CGNL1: variants seen among roughly 807,000 people sequenced by gnomAD.
The protein encoded by CGNL1 is cingulin like 1, also known as cingulin-like protein 1.
Under a neutral mutation model 141.2 loss-of-function variants are expected in CGNL1, and 132 were observed. The ratio of observed to expected loss-of-function variants is 0.93; its 90% CI spans 0.81 to 1.08. The LOEUF (loss-of-function observed/expected upper bound fraction) is 1.08. Ranked by LOEUF, CGNL1 falls within the 50% of genes least tolerant of loss-of-function variation. CGNL1 has a pLI of 0.00. For missense variants in CGNL1, 1,870 were observed against 1,588.6 expected, an observed-to-expected ratio of 1.18 and a Z score of -3.01; for synonymous variants, 690 against 622.1, an observed-to-expected ratio of 1.11 and a Z score of -1.63.
intron 1 of CGNL1, among the ~76,000 whole-genome samples, chr15:57,378,673 G>A (rs980064102): frequency 5.3e-5 from 8 of 152,074 alleles, no homozygotes; most frequent in African/African-American, 9.7e-5. Flanking sequence ...ATGAGCCACC[G>A]TGCCCCGCCT....
Position 57,439,040 on chromosome 15 carries a change from A to G in CGNL1, c.1041A>G (p.Thr347=). 2 of 1,614,196 alleles carry G rather than the reference A, an allele frequency of 1.2e-6. No individual in the cohort carries two copies. The highest frequency in any genetic ancestry group is 1.1e-5 in the South Asian group (1 of 91,090). Reference sequence around the variant, plus strand: ...CAGGAACTGGACGGGATATTGATACAGGATCAATTCCTGGTGTGGATCAGT... The same window carrying G: ...CAGGAACTGGACGGGATATTGATACGGGATCAATTCCTGGTGTGGATCAGT... ...FLPGTGRDID[T]GSIPGVDQLI... Residue 347 remains threonine, a synonymous_variant, in exon 2 of 19, where the codon ACA becomes ACG. Transcript: ENST00000281282.
At chr15:57,488,805 AAAC>A (rs1208243447) in intron 8 of CGNL1, among the ~76,000 whole-genome samples, 6 of 152,260 alleles carry the variant, frequency 3.9e-5, no homozygotes, top group Non-Finnish European at 5.9e-5. Flanking sequence ...AATGTGGCAA[AAAC>A]AACTGTTTGG....
At chr15:57,441,853 A>G (rs1183862334) in intron 3 of CGNL1, among the ~76,000 whole-genome samples, 2 of 152,190 alleles carry the variant, frequency 1.3e-5, no homozygotes, top group African/African-American at 4.8e-5. Context: ...GTGAAAGCCC[A>G]GACAAAGGGC....
At position 57,479,041 on chromosome 15, in the gene CGNL1, A is replaced by G. The variant is rs571340288; in HGVS notation, c.2403+17149A>G. ...TCAATAGCTAGCTGCAAAGCACTGC[A>G]GAAGCCCACTTGCCACTCTCCTTCC... On this transcript the variant is annotated intron_variant, in intron 8 of 18. Coordinates refer to ENST00000281282, the MANE Select transcript of CGNL1 (RefSeq NM_032866.5). Among the ~76,000 whole-genome samples the G allele has an allele frequency of 1.6e-4, 24 of 152,330 alleles. No homozygotes were observed. In the South Asian group the frequency reaches 4.8e-3, roughly 30 times the overall value.
intron 8 of CGNL1, among the ~76,000 whole-genome samples, chr15:57,473,899 CTTT>C (rs59761174): frequency 4.2e-4 from 30 of 70,676 alleles, no homozygotes; most frequent in South Asian, 1.5e-3. Flanking sequence ...TCTTCTTCTT[CTTT>C]TTTTTTTTTT....
intron 1 of CGNL1, among the ~76,000 whole-genome samples, chr15:57,415,936 CCT>C (rs1567103148): frequency 6.6e-6 from 1 of 152,146 alleles, no homozygotes; most frequent in Non-Finnish European, 1.5e-5. Context: ...CGGCTGCTTC[CCT>C]GAGTTTCCCT....
At chr15:57,498,231 T>C (rs1196069508) in intron 8 of CGNL1, among the ~76,000 whole-genome samples, 2 of 146,768 alleles carry the variant, frequency 1.4e-5, no homozygotes, top group Non-Finnish European at 3.0e-5. Context: ...ATACTTAGGT[T>C]GATTGGGGAA....
At chr15:57,496,294 C>T (rs1009259233) in intron 8 of CGNL1, among the ~76,000 whole-genome samples, 3 of 152,166 alleles carry the variant, frequency 2.0e-5, no homozygotes, top group Non-Finnish European at 1.5e-5. Context: ...TTGTGCTTGA[C>T]CTGATATTTG....
At chr15:57,447,625 G>A (rs536697591) in intron 4 of CGNL1, among the ~76,000 whole-genome samples, 4 of 152,092 alleles carry the variant, frequency 2.6e-5, no homozygotes, top group African/African-American at 9.6e-5. Flanking sequence ...TTTTCTTGGG[G>A]TTCAATGAGC....
intron 1 of CGNL1, chr15:57,377,202 T>C (rs1400564580): frequency 3.3e-5 from 5 of 152,180 alleles, no homozygotes. Flanking sequence ...TTACACAGGA[T>C]TTTTGAAACT....
chr15:57,440,118 A>AG (rs1382716770), intron 2 of CGNL1, among the ~76,000 whole-genome samples: 1 of 151,966 alleles, frequency 6.6e-6, no homozygotes, highest in Non-Finnish European at 1.5e-5. Context: ...GTAAAAAAAA[A>AG]AAAAAAGTAG....
intron 11 of CGNL1, 54 bp from the exon 12 acceptor site, chr15:57,524,527 A>G: frequency 1.3e-6 from 2 of 1,525,590 alleles, no homozygotes; most frequent in Non-Finnish European, 1.8e-6. Context: ...TGGGACCCAG[A>G]CCCTGGTCTC....
chr15:57,510,115 GC>G (rs1467248171), intron 8 of CGNL1, among the ~76,000 whole-genome samples: 1 of 152,148 alleles, frequency 6.6e-6, no homozygotes, highest in Non-Finnish European at 1.5e-5. Flanking sequence ...GCAGGTAGTG[GC>G]CTGAAGCCAA....
intron 1 of CGNL1, among the ~76,000 whole-genome samples, chr15:57,413,183 T>C (rs1385024414): frequency 1.3e-4 from 20 of 150,488 alleles, no homozygotes; most frequent in South Asian, 4.2e-4. Flanking sequence ...CTTTCTTTCT[T>C]TCTCTCTTTC....
Position 57,439,348 on chromosome 15 carries a change from C to T in CGNL1, c.1349C>T (p.Ala450Val). ...CGCACCTTTGCAAAGCTGCAGGGAG[C>T]AGCGCACGGGGCTTCATGTGCCCAC... ...VGRTFAKLQGAAHGASCAHSR... is the reference protein window; with the variant it reads ...VGRTFAKLQGVAHGASCAHSR... Residue 450 changes from alanine (A) to valine (V), a missense_variant, in exon 2 of 19, where the codon GCA becomes GTA. Transcript: ENST00000281282. 1 of 1,614,126 alleles carries T rather than the reference C, an allele frequency of 6.2e-7. No individual in the cohort carries two copies. Among genetic ancestry groups the T allele is most frequent in the Non-Finnish European group, 8.5e-7 (1 of 1,180,040 alleles).
chr15:57,396,767 G>A (rs558941556), intron 1 of CGNL1, among the ~76,000 whole-genome samples: 1 of 152,322 alleles, frequency 6.6e-6, no homozygotes, highest in South Asian at 2.1e-4. Flanking sequence ...TCTGGTGGGT[G>A]TGTAGTAGAA....
chr15:57,524,592 T>C lies in CGNL1; in HGVS notation c.2880T>C (p.Ile960=). Residue 960 remains isoleucine (I), a synonymous_variant, in exon 12 of 19, where the codon ATT becomes ATC. Transcript: ENST00000281282. Reference sequence around the variant, plus strand: ...GTCACTTCTTCTAGATGGCAGACATTGTTGAGGCCTCCCGTACCTCAACCC... The same window carrying C: ...GTCACTTCTTCTAGATGGCAGACATCGTTGAGGCCTCCCGTACCTCAACCC... ...IEKLQKEMAD[I]VEASRTSTLE... is the part of the protein sequence containing the mutation. 6.2e-7 allele frequency: 1 copy of C among 1,612,948 alleles called. No homozygotes were observed. Among genetic ancestry groups the C allele is most frequent in the Admixed American group, 1.7e-5 (1 of 59,850 alleles).
intron 8 of CGNL1, among the ~76,000 whole-genome samples, chr15:57,470,256 C>CAT (rs2063563834): frequency 8.8e-6 from 1 of 113,996 alleles, no homozygotes; most frequent in African/African-American, 3.5e-5. Flanking sequence ...TTTTGTCTCT[C>CAT]TTTTTTTTTT....
At chr15:57,509,964 C>T (rs1200647397) in intron 8 of CGNL1, among the ~76,000 whole-genome samples, 1 of 152,194 alleles carries the variant, frequency 6.6e-6, no homozygotes, top group Non-Finnish European at 1.5e-5. Flanking sequence ...AATTAGCCAA[C>T]CAAGAAACCT....
Sources: allele counts gnomAD v4.1 joint callset (sites outside exome capture counted in the v4.1 genomes callset), GRCh38; gene constraint gnomAD v4.1.1; transcripts MANE v1.5; gene names NCBI Gene and HGNC (gene_info 2026-07-23, HGNC 2026-07-21).